Variants in LRP1 observed in about 807,000 individuals in gnomAD.
The protein encoded by LRP1 is prolow-density lipoprotein receptor-related protein 1.
A neutral mutation model predicts 541.5 loss-of-function variants in LRP1; 51 were observed. The ratio of observed to expected loss-of-function variants is 0.09; its 90% CI spans 0.08 to 0.12. The LOEUF (loss-of-function observed/expected upper bound fraction) is 0.12, where lower values mean the gene tolerates loss of function less well. Ranked by LOEUF, LRP1 falls within the 10% of genes least tolerant of loss-of-function variation. The probability of loss-of-function intolerance (pLI) is 1.00; values close to 1 mark genes in which losing one functional copy is unlikely to be tolerated. For synonymous variants in LRP1, 2,219 were observed against 2,470.8 expected (o/e 0.90, Z 3.02); for missense variants, 3,878 against 6,376.2 (o/e 0.61, Z 13.34).
chr12:57,179,438 C>T lies in LRP1; in HGVS notation c.4848C>T (p.Asn1616=), dbSNP rs146863231. The T allele has an allele frequency of 3.7e-6, 6 of 1,614,138 alleles. No individual in the cohort carries two copies. The African/African-American group carries it at 4.0e-5, about 11-fold the overall frequency. Reference sequence around the variant, plus strand: ...CCTTCACGGTGCCCGACATCGACAACGTCACAGTGCTAGACTACGATGCCC... The same window carrying T: ...CCTTCACGGTGCCCGACATCGACAATGTCACAGTGCTAGACTACGATGCCC... The part of the protein sequence containing the change: ...IISFTVPDID[N]VTVLDYDARE... The change falls in exon 29 of 89, where the codon AAC becomes AAT. Residue 1616 remains asparagine, a synonymous_variant. Coordinates refer to ENST00000243077, the MANE Select transcript of LRP1 (RefSeq NM_002332.3). The surrounding 1 kb of genome is among the most constrained non-coding windows in gnomAD (Gnocchi z 6.8).
intron 77 of LRP1, 52 bp downstream of exon 77, chr12:57,208,268 G>A (rs775055315): frequency 1.9e-5 from 29 of 1,566,746 alleles, no homozygotes; most frequent in African/African-American, 1.6e-4. Context: ...GGAAGCCCCC[G>A]GGACAGGGTT....
In LRP1 at chr12:57,189,496, G is replaced by A. The variant is rs993719660; in HGVS notation, c.7032-1309G>A. Reference sequence around the variant, plus strand: ...TAAGATCAGAGCTTCTCACGAGCTCGCCGAGGCTCAGGGCAGCCAGTGTCT... The same window carrying A: ...TAAGATCAGAGCTTCTCACGAGCTCACCGAGGCTCAGGGCAGCCAGTGTCT... On this transcript the variant is annotated intron_variant, in intron 42 of 88. Coordinates refer to ENST00000243077, the MANE Select transcript of LRP1 (RefSeq NM_002332.3). The surrounding 1 kb of genome is among the most constrained non-coding windows in gnomAD (Gnocchi z 4.4). 5.3e-5 allele frequency among the ~76,000 whole-genome samples: 8 copies of A among 152,126 alleles called. No individual in the cohort carries two copies. Among genetic ancestry groups the A allele is most frequent in the African/African-American group, 9.7e-5 (4 of 41,404 alleles).
In LRP1 at chr12:57,199,340, A is replaced by G; in HGVS notation, c.9805A>G (p.Ile3269Val). ...KTTGTNKTLL[I>V]STLHRPMDLH... ...CACGGGCACCAACAAAACGCTCCTC[A>G]TCAGCACGCTGCACCGGCCCATGGA... Residue 3269 changes from isoleucine to valine, a missense_variant, in exon 61 of 89, where the codon ATC becomes GTC. Ile to Val is a conservative substitution (Grantham distance 29, BLOSUM62 3). This residue lies in a region of LRP1 where 1,100 missense variants were observed against 1,827.4 expected (regional missense o/e 0.60). Coordinates refer to ENST00000243077, the MANE Select transcript of LRP1 (RefSeq NM_002332.3). The G allele has an allele frequency of 6.2e-7, 1 of 1,613,136 alleles. No individual in the cohort carries two copies.
In LRP1 at chr12:57,183,487, C is replaced by T; in HGVS notation, c.5771C>T (p.Ala1924Val). ...GTCCCAGTGTCCGGGACCTCGCTGG[C>T]TGTCGGCATCGACTTCCACGCTGGT... ...ALVPVSGTSL[A>V]VGIDFHAEND... Residue 1924 changes from alanine (A) to valine (V), a missense_variant, in exon 35 of 89, where the codon GCT becomes GTT. Coordinates refer to ENST00000243077, the MANE Select transcript of LRP1 (RefSeq NM_002332.3). This position sits in a 1 kb window ranked among gnomAD's most constrained non-coding sequence, Gnocchi z 6.1. The T allele has an allele frequency of 6.2e-7, 1 of 1,613,924 alleles. No individual in the cohort carries two copies. The highest frequency in any genetic ancestry group is 8.5e-7 in the Non-Finnish European group (1 of 1,179,836).
At position 57,200,428 on chromosome 12, in the gene LRP1, C is replaced by T. The variant is rs1406442614; in HGVS notation, c.10015-14C>T. The T allele has an allele frequency of 5.7e-6, 9 of 1,570,360 alleles. No homozygotes were observed. Among genetic ancestry groups the T allele is most frequent in the African/African-American group, 2.7e-5 (2 of 74,012 alleles). ...GACCCCCACCAACCCCTCTTGCCCCCACCTGCCCTCCAGTTTGTATGCAAG... is the reference window on the plus strand; with the variant it reads ...GACCCCCACCAACCCCTCTTGCCCCTACCTGCCCTCCAGTTTGTATGCAAG... On this transcript the variant is annotated splice_polypyrimidine_tract_variant and intron_variant, in intron 62 of 88. Transcript: ENST00000243077.
At position 57,185,772 on chromosome 12, in the gene LRP1, C is replaced by T. The variant is rs2136711800; in HGVS notation, c.6705C>T (p.Asn2235=). 3.1e-6 allele frequency: 5 copies of T among 1,614,208 alleles called. No individual in the cohort carries two copies. Among genetic ancestry groups the T allele is most frequent in the Non-Finnish European group, 4.2e-6 (5 of 1,180,030 alleles). Residue 2235 remains asparagine, a synonymous_variant, in exon 41 of 89, where the codon AAC becomes AAT. Transcript: ENST00000243077. This position sits in a 1 kb window ranked among gnomAD's most constrained non-coding sequence, Gnocchi z 4.9. Reference sequence around the variant, plus strand: ...TCGAGGACCCTGAGCACATGAAGAACGTCATCGCCCTGGCCTTTGACTACC... The same window carrying T: ...TCGAGGACCCTGAGCACATGAAGAATGTCATCGCCCTGGCCTTTGACTACC... ...QPFEDPEHMK[N]VIALAFDYRA...
Position 57,179,947 on chromosome 12 carries a change from C to G in LRP1, c.5132C>G (p.Pro1711Arg). 6.2e-7 allele frequency: 1 copy of G among 1,614,082 alleles called. No individual in the cohort carries two copies. Among genetic ancestry groups the G allele is most frequent in the Non-Finnish European group, 8.5e-7 (1 of 1,180,008 alleles). Reference sequence around the variant, plus strand: ...CAGCCCCATGGCCTTGTCGTCCACCCTCTGCGTGGGTCAGTCTAGGGCCCA... The same window carrying G: ...CAGCCCCATGGCCTTGTCGTCCACCGTCTGCGTGGGTCAGTCTAGGGCCCA... ...LEQPHGLVVH[P>R]LRGKLYWTDG... is the part of the protein sequence containing the mutation. Residue 1711 changes from proline to arginine, a missense_variant, in exon 30 of 89, where the codon CCT becomes CGT. By Grantham distance (103) the Pro-to-Arg change is moderately radical. Coordinates refer to ENST00000243077, the MANE Select transcript of LRP1 (RefSeq NM_002332.3). The surrounding 1 kb of genome is among the most constrained non-coding windows in gnomAD (Gnocchi z 6.8).
At chr12:57,187,557 C>A in intron 42 of LRP1, 101 bp downstream of exon 42, 1 of 1,206,502 alleles carries the variant, frequency 8.3e-7, no homozygotes, top group African/African-American at 1.6e-5. Context: ...AGAGGCAGGC[C>A]CTCACTTGAG....
chr12:57,161,958 C>T (rs1013404085), intron 13 of LRP1, among the ~76,000 whole-genome samples: 2 of 151,950 alleles, frequency 1.3e-5, no homozygotes, highest in South Asian at 2.1e-4. Context: ...GAATACTGCC[C>T]GTCTGCTCAT....
Position 57,199,302 on chromosome 12 carries a change from G to A in LRP1, c.9767G>A (p.Arg3256Gln), listed in dbSNP as rs755983633. Residue 3256 changes from arginine (R) to glutamine (Q), a missense_variant, in exon 61 of 89, where the codon CGA becomes CAA. By Grantham distance (43) the Arg-to-Gln change is conservative. Around this residue, in one of 13 missense-constraint regions of LRP1, gnomAD observed 1,100 missense variants for 1,827.4 expected, o/e 0.60. Coordinates refer to ENST00000243077, the MANE Select transcript of LRP1 (RefSeq NM_002332.3). ...WTDWETKSIN[R>Q]AHKTTGTNKT... ...GACTGGGAAACAAAGTCCATTAACC[G>A]AGCCCACAAGACCACGGGCACCAAC... The A allele has an allele frequency of 8.1e-6, 13 of 1,613,692 alleles. No individual in the cohort carries two copies. The Admixed American group carries it at 1.3e-4, about 17-fold the overall frequency.
chr12:57,212,367 T>TACAGGCCCAGCTCCTGAGCC lies in LRP1; in HGVS notation c.13495-47_13495-28dup, dbSNP rs1268387490. ...GAGGTGGGGGTGGGGTAACCTGGGCTACAGGCCCAGCTCCTGAGCCCTACC... is the reference window on the plus strand; with the variant it reads ...GAGGTGGGGGTGGGGTAACCTGGGCTACAGGCCCAGCTCCTGAGCCACAGGCCCAGCTCCTGAGCCCTACC... On this transcript the variant is annotated intron_variant, in intron 88 of 88. Coordinates refer to ENST00000243077, the MANE Select transcript of LRP1 (RefSeq NM_002332.3). The surrounding 1 kb of genome is among the most constrained non-coding windows in gnomAD (Gnocchi z 5.0). 1.2e-6 allele frequency: 2 copies of TACAGGCCCAGCTCCTGAGCC among 1,613,816 alleles called. No homozygotes were observed. Among genetic ancestry groups the TACAGGCCCAGCTCCTGAGCC allele is most frequent in the Non-Finnish European group, 1.7e-6 (2 of 1,179,906 alleles).
At position 57,156,354 on chromosome 12, in the gene LRP1, G is replaced by T. The variant is rs895125780; in HGVS notation, c.1417+71G>T. Reference sequence around the variant, plus strand: ...ATGGCTCTGGGACCTTGGGATCACAGCCCCTCTCTGGGCCCTCCTGTGGGG... The same window carrying T: ...ATGGCTCTGGGACCTTGGGATCACATCCCCTCTCTGGGCCCTCCTGTGGGG... On this transcript the variant is annotated intron_variant, in intron 9 of 88. Coordinates refer to ENST00000243077, the MANE Select transcript of LRP1 (RefSeq NM_002332.3). The surrounding 1 kb of genome is among the most constrained non-coding windows in gnomAD (Gnocchi z 5.2). 2.7e-6 allele frequency: 4 copies of T among 1,484,854 alleles called. No homozygotes were observed. The Admixed American group carries it at 7.8e-5, about 29-fold the overall frequency. 92.0% of individuals were successfully genotyped at this position (1,484,854 alleles called of 1,614,324 possible).
Position 57,145,261 on chromosome 12 carries a change from C to T in LRP1, c.612C>T (p.Ala204=), listed in dbSNP as rs771625714. 1.2e-5 allele frequency: 19 copies of T among 1,614,056 alleles called. No homozygotes were observed. The highest frequency in any genetic ancestry group is 1.6e-5 in the Non-Finnish European group (19 of 1,180,050). The change falls in exon 6 of 89, where the codon GCC becomes GCT. Residue 204 remains alanine, a synonymous_variant. Coordinates refer to ENST00000243077, the MANE Select transcript of LRP1 (RefSeq NM_002332.3). The part of the protein sequence containing the change: ...PVDRPPVLLI[A]NSQNILATYL... ...ACCGGCCCCCTGTGCTGTTGATAGC[C>T]AACTCCCAGAACATCTTGGCCACGT...
At position 57,128,568 on chromosome 12, in the gene LRP1, G is replaced by GC. The variant is rs2034962812; in HGVS notation, c.-392dup. ...AGGGGAGCCCCCAGAGCTCCATCAAGCCCCCTCCAAAGGCTCCCCTACCCG... is the reference window on the plus strand; with the variant it reads ...AGGGGAGCCCCCAGAGCTCCATCAAGCCCCCCTCCAAAGGCTCCCCTACCCG... On this transcript the variant is annotated 5_prime_UTR_variant, in exon 1 of 89. Coordinates refer to ENST00000243077, the MANE Select transcript of LRP1 (RefSeq NM_002332.3). 1 of 400,484 alleles carries GC rather than the reference G, an allele frequency of 2.5e-6. No homozygotes were observed. The highest frequency in any genetic ancestry group is 1.1e-4 in the South Asian group (1 of 9,274). 24.8% of individuals were successfully genotyped at this position (400,484 alleles called of 1,614,324 possible).
At chr12:57,209,287 TC>T in intron 79 of LRP1, 88 bp downstream of exon 79, 1 of 1,043,004 alleles carries the variant, frequency 9.6e-7, no homozygotes, top group Non-Finnish European at 1.5e-6. Context: ...CTTCAATGCC[TC>T]CCATCCTTTG....
intron 76 of LRP1, among the ~76,000 whole-genome samples, chr12:57,207,262 A>AT (rs1182953433): frequency 7.2e-6 from 1 of 138,900 alleles, no homozygotes; most frequent in East Asian, 2.0e-4. Flanking sequence ...AAATAAATAA[A>AT]TAAATAAATA....
chr12:57,149,759 T>C, intron 6 of LRP1: 1 of 717,166 alleles, frequency 1.4e-6, no homozygotes, highest in Non-Finnish European at 2.5e-6. Flanking sequence ...AAGGAAGAGC[T>C]GAAGTCGGGA....
Position 57,162,547 on chromosome 12 carries a change from G to A in LRP1, c.2404+29G>A. 1 of 1,610,972 alleles carries A rather than the reference G, an allele frequency of 6.2e-7. No homozygotes were observed. Among genetic ancestry groups the A allele is most frequent in the Non-Finnish European group, 8.5e-7 (1 of 1,178,730 alleles). The stretch of plus-strand genomic sequence containing the variant: ...CCTCCTTGGGGCTGGGGGCAGCGTG[G>A]GACCTGGAAGGGGTGGTGGGACTTA... On this transcript the variant is annotated intron_variant, in intron 14 of 88. Coordinates refer to ENST00000243077, the MANE Select transcript of LRP1 (RefSeq NM_002332.3). The surrounding 1 kb of genome is among the most constrained non-coding windows in gnomAD (Gnocchi z 5.2).
Position 57,141,389 on chromosome 12 carries a change from C to G in LRP1, c.206C>G (p.Ala69Gly), listed in dbSNP as rs1490598280. The change falls in exon 3 of 89, where the codon GCC becomes GGC. Residue 69 changes from alanine (A) to glycine (G), a missense_variant. Around this residue, in one of 13 missense-constraint regions of LRP1, gnomAD observed 293 missense variants for 403.7 expected, o/e 0.73. Transcript: ENST00000243077. ...CTGCCCTCAGGTCCACAGAGTAAGG[C>G]CCAGCGATGCCAGCCAAACGAGCAT... is the stretch of plus-strand genomic sequence containing the variant. The part of the protein sequence containing the change: ...EAPEICPQSK[A>G]QRCQPNEHNC... The G allele has an allele frequency of 6.2e-6, 10 of 1,614,156 alleles. No homozygotes were observed. The highest frequency in any genetic ancestry group is 8.5e-6 in the Non-Finnish European group (10 of 1,180,024).
Sources: allele counts gnomAD v4.1 joint callset (sites outside exome capture counted in the v4.1 genomes callset), GRCh38; gene constraint gnomAD v4.1.1; regional missense constraint gnomAD v4.1.1; non-coding constraint Gnocchi (gnomAD v3.1); transcripts MANE v1.5; gene names NCBI Gene and HGNC (gene_info 2026-07-23, HGNC 2026-07-21).